Variants in MICALL1 observed in about 807,000 individuals in gnomAD.
MICALL1 encodes MICAL like 1, also known as MICAL-like protein 1.
Under a neutral mutation model 83.7 loss-of-function variants are expected in MICALL1, and 61 were observed. That is an observed-to-expected ratio of 0.73 (90% CI 0.59 to 0.90). The LOEUF is 0.90. Among genes scored for constraint, MICALL1 ranks in the 40% least tolerant of loss-of-function variants. MICALL1 has a pLI of 0.00. For missense variants in MICALL1, 1,066 were observed against 1,152.0 expected, an observed-to-expected ratio of 0.93 and a Z score of 1.08; for synonymous variants, 481 against 473.6, an observed-to-expected ratio of 1.02 and a Z score of -0.20.
Position 37,906,440 on chromosome 22 carries a change from C to T in MICALL1, c.18C>T (p.Gly6=). Residue 6 remains glycine (G), a synonymous_variant, in exon 1 of 16, where the codon GGC becomes GGT. Transcript: ENST00000215957. This position sits in a 1 kb window ranked among gnomAD's most constrained non-coding sequence, Gnocchi z 4.4. Reference sequence around the variant, plus strand: ...GCGGGGTCATGGCTGGGCCGCGGGGCGCGCTGCTGGCCTGGTGCCGCCGCC... The same window carrying T: ...GCGGGGTCATGGCTGGGCCGCGGGGTGCGCTGCTGGCCTGGTGCCGCCGCC... MAGPR[G]ALLAWCRRQC... is the part of the protein sequence containing the mutation. The T allele has an allele frequency of 1.7e-6, 2 of 1,164,538 alleles. No homozygotes were observed. The highest frequency in any genetic ancestry group is 2.1e-6 in the Non-Finnish European group (2 of 944,282). The allele number at this position is 1,164,538 out of a possible 1,614,324, so 72.1% of individuals were successfully genotyped here. A position where few individuals can be genotyped will look rare whatever the true frequency, so the allele number is the denominator to read the frequency against.
At position 37,906,501 on chromosome 22, in the gene MICALL1, C is replaced by T; in HGVS notation, c.79C>T (p.Leu27=). 8.0e-7 allele frequency: 1 copy of T among 1,256,270 alleles called. No homozygotes were observed. The highest frequency in any genetic ancestry group is 1.6e-5 in the African/African-American group (1 of 63,726). 77.8% of individuals were successfully genotyped at this position (1,256,270 alleles called of 1,614,324 possible). A position where few individuals can be genotyped will look rare whatever the true frequency, so the allele number is the denominator to read the frequency against. ...CTACCGCGGCGTGGAGATCCGCGACCTGAGCAGCTCCTTCCGGGACGGCCT... is the reference window on the plus strand; with the variant it reads ...CTACCGCGGCGTGGAGATCCGCGACTTGAGCAGCTCCTTCCGGGACGGCCT... The part of the protein sequence containing the change: ...EGYRGVEIRD[L]SSSFRDGLAF... The change falls in exon 1 of 16, where the codon CTG becomes TTG. Residue 27 remains leucine, a synonymous_variant. Coordinates refer to ENST00000215957, the MANE Select transcript of MICALL1 (RefSeq NM_033386.4). This position sits in a 1 kb window ranked among gnomAD's most constrained non-coding sequence, Gnocchi z 4.4.
rs139057808 is a variant in MICALL1, at chr22:37,929,699, G to A, written c.1881+1873G>A. Among the ~76,000 whole-genome samples the A allele has an allele frequency of 4.3e-3, 656 of 152,318 alleles. 9 individuals are homozygous for A. Among genetic ancestry groups the A allele is most frequent in the African/African-American group, 0.015 (630 of 41,568 alleles). ...TACTGAGAACCTGGGGATTGCCTGGGCTCAGTACTTTCCTCTGGGCACCCA... is the reference window on the plus strand; with the variant it reads ...TACTGAGAACCTGGGGATTGCCTGGACTCAGTACTTTCCTCTGGGCACCCA... On this transcript the variant is annotated intron_variant, in intron 9 of 15. Transcript: ENST00000215957.
chr22:37,933,332 G>A (rs949237323), intron 13 of MICALL1, among the ~76,000 whole-genome samples: 6 of 152,158 alleles, frequency 3.9e-5, no homozygotes, highest in South Asian at 2.1e-4. Flanking sequence ...AGAAGGAACC[G>A]CACAGACAGT....
At chr22:37,908,301 A>C (rs1387747723) in intron 1 of MICALL1, among the ~76,000 whole-genome samples, 1 of 148,620 alleles carries the variant, frequency 6.7e-6, no homozygotes, top group East Asian at 2.0e-4. Context: ...TTTTTTTTTT[A>C]ATGTTTTTTA....
Position 37,932,770 on chromosome 22 carries a change from C to A in MICALL1, c.2144-28C>A. On this transcript the variant is annotated intron_variant, in intron 11 of 15. Transcript: ENST00000215957. This position sits in a 1 kb window ranked among gnomAD's most constrained non-coding sequence, Gnocchi z 4.4. ...ACTGAGCCAGGCATGGCAGCCAGCC[C>A]TGGCCTCAGTGGGTATCTGGCTTCC... 1 of 1,613,926 alleles carries A rather than the reference C, an allele frequency of 6.2e-7. No homozygotes were observed.
rs1929754037 is a variant in MICALL1, at chr22:37,930,923, CT to C, written c.1882-875del. Among the ~76,000 whole-genome samples the C allele has an allele frequency of 6.6e-6, 1 of 152,200 alleles. No individual in the cohort carries two copies. The highest frequency in any genetic ancestry group is 1.5e-5 in the Non-Finnish European group (1 of 68,040). ...AGCGGGGAGAGGGTGGTTATGAGGC[CT>C]GAATGAACTACCATAGCTCTGTCTT... On this transcript the variant is annotated intron_variant, in intron 9 of 15. Transcript: ENST00000215957. This position sits in a 1 kb window ranked among gnomAD's most constrained non-coding sequence, Gnocchi z 4.8.
rs1029538961 is a variant in MICALL1 at position 37,931,873 on chromosome 22, G to C, written c.1956G>C (p.Lys652Asn). The change falls in exon 10 of 16, where the codon AAG (lysine) becomes AAC (asparagine). Residue 652 changes from lysine (K) to asparagine (N), a missense_variant. Transcript: ENST00000215957. ...AASPATKKAT[K>N]GSKPVRPPAP... ...CCCCAGCCACAAAGAAGGCCACCAA[G>C]GGATCCAAGCCAGTGAGGCCACCTG... is the stretch of plus-strand genomic sequence containing the variant. 10 of 1,614,030 alleles carry C rather than the reference G, an allele frequency of 6.2e-6. No individual in the cohort carries two copies. The highest frequency in any genetic ancestry group is 8.5e-6 in the Non-Finnish European group (10 of 1,180,024).
At chr22:37,913,792 C>G (rs932149030) in intron 3 of MICALL1, among the ~76,000 whole-genome samples, 1 of 152,032 alleles carries the variant, frequency 6.6e-6, no homozygotes, top group African/African-American at 2.4e-5. Flanking sequence ...ACGCTGGATT[C>G]CTGCTGTCCC....
intron 3 of MICALL1, 110 bp from the exon 4 acceptor site, chr22:37,917,596 TG>T: frequency 1.1e-6 from 1 of 912,248 alleles, no homozygotes. Context: ...CTGCATTAGG[TG>T]GTCTGCCTTT....
At chr22:37,935,178 C>T (rs1242409312) in intron 13 of MICALL1, among the ~76,000 whole-genome samples, 11 of 151,544 alleles carry the variant, frequency 7.3e-5, no homozygotes, top group African/African-American at 2.4e-4. Flanking sequence ...GTGATCCACC[C>T]GCCTCCGCCT....
intron 3 of MICALL1, among the ~76,000 whole-genome samples, chr22:37,915,992 G>C (rs1308920890): frequency 1.3e-5 from 2 of 152,156 alleles, no homozygotes; most frequent in African/African-American, 4.8e-5. Flanking sequence ...TTAGCGTTTA[G>C]CTGGATTCCT....
chr22:37,921,864 A>G, intron 5 of MICALL1, 108 bp from the exon 6 acceptor site: 1 of 1,051,964 alleles, frequency 9.5e-7, no homozygotes, highest in Non-Finnish European at 1.4e-6. Context: ...CTTGGCTGGC[A>G]GTTGGGAGGA....
In MICALL1 at chr22:37,940,855, T is replaced by C. The variant is rs1930399941; in HGVS notation, c.*25T>C. The C allele has an allele frequency of 6.2e-7, 1 of 1,612,426 alleles. No individual in the cohort carries two copies. The highest frequency in any genetic ancestry group is 2.2e-5 in the East Asian group (1 of 44,804). On this transcript the variant is annotated 3_prime_UTR_variant, in exon 16 of 16. Coordinates refer to ENST00000215957, the MANE Select transcript of MICALL1 (RefSeq NM_033386.4). ...ACAGCACGAGAAGCCAGTTGGGGAC[T>C]GCCCCCTCCTGGAGCAGCTCCTGGG...
chr22:37,917,364 C>T lies in MICALL1; in HGVS notation c.338-343C>T, dbSNP rs569878444. 2.0e-4 allele frequency among the ~76,000 whole-genome samples: 31 copies of T among 152,318 alleles called. No homozygotes were observed. The South Asian group carries it at 6.2e-3, about 31-fold the overall frequency. On this transcript the variant is annotated intron_variant, in intron 3 of 15. Coordinates refer to ENST00000215957, the MANE Select transcript of MICALL1 (RefSeq NM_033386.4). ...GTTCCTTTCTTTTCCTTTCCTTCAC[C>T]TCCTCTACCCTGGTGGCAGGGAAGC...
intron 3 of MICALL1, among the ~76,000 whole-genome samples, chr22:37,914,608 C>T (rs568773087): frequency 4.6e-5 from 7 of 151,436 alleles, no homozygotes; most frequent in African/African-American, 9.7e-5. Context: ...TGTATATATG[C>T]GTGCGCGCAC....
intron 1 of MICALL1, among the ~76,000 whole-genome samples, chr22:37,910,316 G>A (rs565341735): frequency 6.6e-6 from 1 of 152,122 alleles, no homozygotes; most frequent in East Asian, 1.9e-4. Flanking sequence ...AGAGTAGCTA[G>A]AATGTGACCC....
At chr22:37,929,675 A>G (rs1193217689) in intron 9 of MICALL1, among the ~76,000 whole-genome samples, 1 of 152,000 alleles carries the variant, frequency 6.6e-6, no homozygotes, top group African/African-American at 2.4e-5. Context: ...TCAGCCCCAT[A>G]CTGAGAACCT....
chr22:37,929,973 G>T (rs928057093), intron 9 of MICALL1, among the ~76,000 whole-genome samples: 25 of 152,232 alleles, frequency 1.6e-4, no homozygotes, highest in Non-Finnish European at 2.9e-4. Context: ...CCTTGAGCAG[G>T]CCCCATCCTC....
intron 15 of MICALL1, among the ~76,000 whole-genome samples, chr22:37,938,364 T>C (rs1930249929): frequency 7.1e-6 from 1 of 140,826 alleles, no homozygotes; most frequent in South Asian, 2.3e-4. Context: ...ATCACGCCAG[T>C]GCACTCCAGC....
Sources: gnomAD v4.1 joint callset for allele counts (sites outside exome capture counted in the v4.1 genomes callset) on GRCh38, gnomAD v4.1.1 for gene constraint, Gnocchi (gnomAD v3.1) non-coding constraint, MANE v1.5 for transcripts, NCBI Gene and HGNC (gene_info 2026-07-23, HGNC 2026-07-21) for gene names.